TRAF3: variants seen among roughly 807,000 people sequenced by gnomAD.
TRAF3 encodes the protein TNF receptor associated factor 3.
TRAF3 carries 13 observed loss-of-function variants against 62.3 expected under a neutral mutation model. The observed-to-expected ratio is 0.21, with a 90% CI of 0.14 to 0.33. The LOEUF (loss-of-function observed/expected upper bound fraction) is 0.33, where lower values mean the gene tolerates loss of function less well. Among genes scored for constraint, TRAF3 ranks in the 10% least tolerant of loss-of-function variants. TRAF3 has a pLI of 1.00. For synonymous variants in TRAF3, 269 were observed against 283.4 expected (o/e 0.95, Z 0.51); for missense variants, 440 against 741.8 (o/e 0.59, Z 4.73).
At chr14:102,819,649 G>A (rs946400451) in intron 1 of TRAF3, among the ~76,000 whole-genome samples, 27 of 152,286 alleles carry the variant, frequency 1.8e-4, no homozygotes, top group South Asian at 1.5e-3. Context: ...AACAGTCATG[G>A]GACCACACCT....
At chr14:102,856,411 G>T (rs1360932531) in intron 2 of TRAF3, among the ~76,000 whole-genome samples, 1 of 152,142 alleles carries the variant, frequency 6.6e-6, no homozygotes, top group Non-Finnish European at 1.5e-5. Context: ...CGTTGCCATG[G>T]TATCTGGAAA....
intron 2 of TRAF3, among the ~76,000 whole-genome samples, chr14:102,831,049 G>C (rs1485766100): frequency 2.0e-5 from 3 of 152,158 alleles, no homozygotes; most frequent in Non-Finnish European, 4.4e-5. Flanking sequence ...AGATTTTACT[G>C]TATAACTCAC....
chr14:102,873,558 G>T (rs1241904741), intron 4 of TRAF3, among the ~76,000 whole-genome samples: 1 of 152,166 alleles, frequency 6.6e-6, no homozygotes, highest in Non-Finnish European at 1.5e-5. Context: ...AATCATGAAC[G>T]AGATGCACTC....
intron 2 of TRAF3, among the ~76,000 whole-genome samples, chr14:102,847,536 T>C (rs1886797051): frequency 6.6e-6 from 1 of 152,142 alleles, no homozygotes; most frequent in African/African-American, 2.4e-5. Context: ...ACTATTATTA[T>C]TTTCTGGGTA....
chr14:102,779,827 C>G (rs977521775), intron 1 of TRAF3, among the ~76,000 whole-genome samples: 9 of 152,228 alleles, frequency 5.9e-5, no homozygotes, highest in Non-Finnish European at 1.3e-4. Context: ...TATAGCAAGA[C>G]TCTCCAAACA....
Position 102,906,076 on chromosome 14 carries a change from A to G in TRAF3, c.*292A>G, listed in dbSNP as rs1890572353. On this transcript the variant is annotated 3_prime_UTR_variant, in exon 12 of 12. Coordinates refer to ENST00000392745, the MANE Select transcript of TRAF3 (RefSeq NM_145725.3). The stretch of plus-strand genomic sequence containing the variant: ...AAGATCTAGTTAATTAAGGTGGAAA[A>G]CATATATGCTAAACAAAAGAAACAT... The G allele has an allele frequency of 3.0e-6, 1 of 329,746 alleles. No individual in the cohort carries two copies. Among genetic ancestry groups the G allele is most frequent in the Admixed American group, 4.5e-5 (1 of 22,132 alleles). The allele number at this position is 329,746 out of a possible 1,614,324, so 20.4% of individuals were successfully genotyped here. A position where few individuals can be genotyped will look rare whatever the true frequency, so the allele number is the denominator to read the frequency against.
intron 1 of TRAF3, among the ~76,000 whole-genome samples, chr14:102,795,956 C>T (rs1898061285): frequency 6.6e-6 from 1 of 152,196 alleles, no homozygotes; most frequent in South Asian, 2.1e-4. Flanking sequence ...GTTGCTCACG[C>T]CTGTAATCCC....
intron 1 of TRAF3, among the ~76,000 whole-genome samples, chr14:102,827,926 G>A (rs560625938): frequency 4.6e-5 from 7 of 152,346 alleles, no homozygotes; most frequent in African/African-American, 1.7e-4. Context: ...GGAAATCATG[G>A]CTCATTCCCA....
At chr14:102,855,302 G>T (rs1485593744) in intron 2 of TRAF3, among the ~76,000 whole-genome samples, 1 of 152,118 alleles carries the variant, frequency 6.6e-6, no homozygotes, top group East Asian at 1.9e-4. Flanking sequence ...GTGTATACAT[G>T]TGTTTCTTTG....
intron 1 of TRAF3, among the ~76,000 whole-genome samples, chr14:102,781,530 C>G (rs191964943): frequency 6.6e-6 from 1 of 152,142 alleles, no homozygotes; most frequent in South Asian, 2.1e-4. Context: ...GCCTGGCATG[C>G]GCACCTGTGG....
Position 102,903,258 on chromosome 14 carries a change from G to A in TRAF3, c.964G>A (p.Val322Met). The change falls in exon 11 of 12, where the codon GTG becomes ATG. Residue 322 changes from valine to methionine, a missense_variant. By Grantham distance (21) the Val-to-Met change is conservative. This residue lies in a region of TRAF3 where 255 missense variants were observed against 424.1 expected (regional missense o/e 0.60). Transcript: ENST00000392745. The surrounding 1 kb of genome is among the most constrained non-coding windows in gnomAD (Gnocchi z 6.4). ...TTTAACACCTTTGGTTTGGAAGCGA[G>A]TGATAGACAGCCAAGCAGAGAAACT... Reference protein sequence around the residue: ...NESKILHLQRVIDSQAEKLKE... With the variant: ...NESKILHLQRMIDSQAEKLKE... The A allele has an allele frequency of 6.2e-7, 1 of 1,614,228 alleles. No individual in the cohort carries two copies. Among genetic ancestry groups the A allele is most frequent in the Non-Finnish European group, 8.5e-7 (1 of 1,180,038 alleles).
At chr14:102,805,493 G>A (rs1315125076) in intron 1 of TRAF3, among the ~76,000 whole-genome samples, 3 of 152,178 alleles carry the variant, frequency 2.0e-5, no homozygotes, top group Non-Finnish European at 4.4e-5. Context: ...GCCCCCTTGC[G>A]TAGAGACTCA....
chr14:102,802,879 G>A (rs1269028441), intron 1 of TRAF3, among the ~76,000 whole-genome samples: 2 of 152,090 alleles, frequency 1.3e-5, no homozygotes. Context: ...AAGAAAAGAG[G>A]TTTAATTGAC....
In TRAF3 at chr14:102,876,545, A is replaced by G. The variant is rs74082942; in HGVS notation, c.570+20A>G. 1.6e-3 allele frequency: 2,599 copies of G among 1,611,482 alleles called. 35 individuals carry two copies. In the African/African-American group the frequency reaches 0.03, roughly 19 times the overall value. Reference sequence around the variant, plus strand: ...CTGCAGGTGCGGGTCCTCCCATTCCACAGGCCTTCCACTCAATTCCTATAT... The same window carrying G: ...CTGCAGGTGCGGGTCCTCCCATTCCGCAGGCCTTCCACTCAATTCCTATAT... On this transcript the variant is annotated intron_variant, in intron 6 of 11. Coordinates refer to ENST00000392745, the MANE Select transcript of TRAF3 (RefSeq NM_145725.3).
intron 1 of TRAF3, among the ~76,000 whole-genome samples, chr14:102,803,375 G>A (rs1898564487): frequency 6.6e-6 from 1 of 152,170 alleles, no homozygotes; most frequent in Non-Finnish European, 1.5e-5. Context: ...GAGTGCTGGT[G>A]GCAGGCTGCC....
chr14:102,834,863 A>C (rs7146620), intron 2 of TRAF3, among the ~76,000 whole-genome samples: 63,373 of 151,686 alleles, frequency 0.42, 18,130 homozygotes, highest in African/African-American at 0.82. Flanking sequence ...AAGAAAACAC[A>C]AAAAGCAATT....
intron 1 of TRAF3, among the ~76,000 whole-genome samples, chr14:102,824,601 G>T (rs2144825): frequency 0.15 from 23,253 of 152,220 alleles, 1,893 homozygotes; most frequent in South Asian, 0.2. Flanking sequence ...AAAAATACCT[G>T]CAGATAGTAG....
At chr14:102,886,687 C>T (rs868475629) in intron 7 of TRAF3, among the ~76,000 whole-genome samples, 4 of 149,892 alleles carry the variant, frequency 2.7e-5, no homozygotes, top group Non-Finnish European at 4.5e-5. Context: ...ACCGGGGAGG[C>T]GGAGGTTGAA....
intron 10 of TRAF3, among the ~76,000 whole-genome samples, chr14:102,898,399 C>T (rs1041320392): frequency 2.0e-5 from 3 of 152,334 alleles, no homozygotes; most frequent in South Asian, 2.1e-4. Flanking sequence ...CCAAGCCTCC[C>T]GCTGGAAGCC....
Sources: allele counts gnomAD v4.1 joint callset (sites outside exome capture counted in the v4.1 genomes callset), GRCh38; gene constraint gnomAD v4.1.1; regional missense constraint gnomAD v4.1.1; non-coding constraint Gnocchi (gnomAD v3.1); transcripts MANE v1.5; gene names NCBI Gene and HGNC (gene_info 2026-07-23, HGNC 2026-07-21).